Variants in ANK3 observed in about 807,000 individuals in gnomAD.
ANK3 encodes the protein ankyrin 3, also known as ankyrin-3.
A neutral mutation model predicts 370.9 loss-of-function variants in ANK3; 57 were observed. That is an observed-to-expected ratio of 0.15 (90% CI 0.12 to 0.19). The LOEUF is 0.19. Among genes scored for constraint, ANK3 ranks in the 10% least tolerant of loss-of-function variants. ANK3 has a pLI of 1.00. For synonymous variants in ANK3, 1,929 were observed against 1,946.3 expected, an observed-to-expected ratio of 0.99 and a Z score of 0.23; for missense variants, 4,439 against 5,302.1, an observed-to-expected ratio of 0.84 and a Z score of 5.06.
In ANK3 at chr10:60,662,760, G is replaced by A. The variant is rs16915307; in HGVS notation, c.58-47536C>T. Among the ~76,000 whole-genome samples, 808 of 152,198 alleles carry A rather than the reference G, an allele frequency of 5.3e-3. 7 individuals carry two copies. Among genetic ancestry groups the A allele is most frequent in the African/African-American group, 0.018 (760 of 41,512 alleles). On this transcript the variant is annotated intron_variant, in intron 1 of 43. Transcript: ENST00000373827. ...CCTGTTTTCTTCACTACATTATCCCGAGTATCTAGAGCCAGGTCTAGCATG... is the reference window on the plus strand; with the variant it reads ...CCTGTTTTCTTCACTACATTATCCCAAGTATCTAGAGCCAGGTCTAGCATG...
chr10:60,618,382 G>C (rs2078292135), intron 1 of ANK3, among the ~76,000 whole-genome samples: 1 of 152,136 alleles, frequency 6.6e-6, no homozygotes, highest in South Asian at 2.1e-4. Context: ...ATTATTATCT[G>C]TAGAAATATT....
At chr10:60,572,388 A>G in intron 2 of ANK3, 2 of 1,413,448 alleles carry the variant, frequency 1.4e-6, no homozygotes, top group Non-Finnish European at 1.9e-6. Flanking sequence ...CAATCTCTTA[A>G]AAATTCAGCC....
chr10:60,480,936 T>C (rs532185434), intron 2 of ANK3, among the ~76,000 whole-genome samples: 2 of 152,302 alleles, frequency 1.3e-5, no homozygotes, highest in South Asian at 2.1e-4. Flanking sequence ...CAGCATCTTG[T>C]AAATTTGGTC....
At chr10:60,033,536 A>AAAAAAAAAAC (rs1554812951) in intron 43 of ANK3, among the ~76,000 whole-genome samples, 38 of 98,428 alleles carry the variant, frequency 3.9e-4, no homozygotes, top group South Asian at 6.6e-4. Flanking sequence ...AAAAAAAAAA[A>AAAAAAAAAAC]AAACTTGGAA....
At chr10:60,186,596 G>T in intron 17 of ANK3, 119 bp downstream of exon 17, 1 of 1,101,090 alleles carries the variant, frequency 9.1e-7, no homozygotes, top group Non-Finnish European at 1.4e-6. Context: ...AAACAACTTG[G>T]TGCAATATTA....
intron 1 of ANK3, among the ~76,000 whole-genome samples, chr10:60,678,152 A>C (rs10509138): frequency 0.11 from 17,213 of 152,266 alleles, 1,449 homozygotes; most frequent in East Asian, 0.27. Flanking sequence ...AAAAGCTCTA[A>C]GAGTTAGCTT....
chr10:60,700,053 C>T (rs183281513), intron 1 of ANK3, among the ~76,000 whole-genome samples: 24 of 152,246 alleles, frequency 1.6e-4, no homozygotes, highest in Admixed American at 7.8e-4. Context: ...TCTATACCAT[C>T]ACCTCTCTTT....
At chr10:60,430,388 G>A (rs921314943) in intron 2 of ANK3, among the ~76,000 whole-genome samples, 1 of 152,120 alleles carries the variant, frequency 6.6e-6, no homozygotes, top group African/African-American at 2.4e-5. Flanking sequence ...AGGTGGTATC[G>A]GTGGTCCATA....
chr10:60,377,799 A>C (rs765227583), intron 1 of ANK3, among the ~76,000 whole-genome samples: 12 of 152,196 alleles, frequency 7.9e-5, no homozygotes, highest in Non-Finnish European at 1.3e-4. Flanking sequence ...AATAGTGATA[A>C]AAAGCAATTT....
chr10:60,525,434 G>A (rs1018457350), intron 2 of ANK3, among the ~76,000 whole-genome samples: 1 of 152,200 alleles, frequency 6.6e-6, no homozygotes, highest in African/African-American at 2.4e-5. Context: ...AAATTTAGAA[G>A]AGTTGAAGGA....
At chr10:60,117,931 C>T (rs529357413) in intron 25 of ANK3, among the ~76,000 whole-genome samples, 3 of 152,080 alleles carry the variant, frequency 2.0e-5, no homozygotes, top group East Asian at 1.9e-4. Context: ...CAACTGTTTG[C>T]GGAAATGGGA....
At chr10:60,421,628 C>T (rs572534736) in intron 2 of ANK3, among the ~76,000 whole-genome samples, 3 of 151,968 alleles carry the variant, frequency 2.0e-5, no homozygotes, top group South Asian at 4.2e-4. Context: ...CCTTGACTCC[C>T]TAGGAGTTCC....
At chr10:60,509,526 G>A (rs2076026866) in intron 2 of ANK3, among the ~76,000 whole-genome samples, 1 of 152,090 alleles carries the variant, frequency 6.6e-6, no homozygotes, top group African/African-American at 2.4e-5. Context: ...TCTGTATTTT[G>A]TGTATTATTG....
At chr10:60,329,649 G>GA (rs1013278148) in intron 1 of ANK3, among the ~76,000 whole-genome samples, 3 of 151,884 alleles carry the variant, frequency 2.0e-5, no homozygotes, top group Non-Finnish European at 4.4e-5. Flanking sequence ...CAAACAAATG[G>GA]AAAAAAACAT....
At chr10:60,633,291 T>C (rs1184560675) in intron 1 of ANK3, among the ~76,000 whole-genome samples, 1 of 152,094 alleles carries the variant, frequency 6.6e-6, no homozygotes, top group Admixed American at 6.6e-5. Context: ...CATTAAATAA[T>C]GCAGAAAATA....
intron 32 of ANK3, chr10:60,083,893 T>A: frequency 4.1e-6 from 1 of 241,612 alleles, no homozygotes; most frequent in Non-Finnish European, 7.8e-6. Flanking sequence ...GTGCCTGACA[T>A]CAATCACTTA....
At chr10:60,148,232 GT>G (rs977024869) in intron 23 of ANK3, among the ~76,000 whole-genome samples, 25 of 147,982 alleles carry the variant, frequency 1.7e-4, no homozygotes, top group African/African-American at 2.0e-4. Flanking sequence ...TGCTTAAGCT[GT>G]TTTTTTTTTA....
In ANK3 at chr10:60,568,274, C is replaced by T. The variant is rs149084970; in HGVS notation, c.96+46912G>A. ...GTCTTATTTTAAGGAATTGCCACAG[C>T]CACCCCAACCTTTGGCAACCACCAT... On this transcript the variant is annotated intron_variant, in intron 2 of 43. Coordinates refer to the ANK3 transcript ENST00000373827. Among the ~76,000 whole-genome samples the T allele has an allele frequency of 7.9e-3, 1,207 of 152,192 alleles. 15 individuals carry two copies. Among genetic ancestry groups the T allele is most frequent in the African/African-American group, 0.028 (1,159 of 41,514 alleles).
At chr10:60,728,202 G>A (rs1232363784) in intron 1 of ANK3, among the ~76,000 whole-genome samples, 1 of 152,096 alleles carries the variant, frequency 6.6e-6, no homozygotes, top group Non-Finnish European at 1.5e-5. Flanking sequence ...ACCCACAGAG[G>A]CCAAGCAGTT....
Sources: gnomAD v4.1 joint callset for allele counts (sites outside exome capture counted in the v4.1 genomes callset) on GRCh38, gnomAD v4.1.1 for gene constraint, MANE v1.5 for transcripts, NCBI Gene and HGNC (gene_info 2026-07-23, HGNC 2026-07-21) for gene names.